Variants in GALNT13 observed in about 807,000 individuals in gnomAD.
GALNT13 encodes the protein polypeptide N-acetylgalactosaminyltransferase 13, also known as UDP-GalNAc:polypeptide N-acetylgalactosaminyltransferase 13.
Under a neutral mutation model 64.2 loss-of-function variants are expected in GALNT13, and 28 were observed. That is an observed-to-expected ratio of 0.44 (90% confidence interval 0.32 to 0.60). The LOEUF is 0.60. GALNT13 is among the 20% of genes least tolerant of loss of function. GALNT13 has a pLI of 0.05. For missense variants in GALNT13, 577 were observed against 669.8 expected, an observed-to-expected ratio of 0.86 and a Z score of 1.53; for synonymous variants, 214 against 224.6, an observed-to-expected ratio of 0.95 and a Z score of 0.42.
the GALNT13 span, among the ~76,000 whole-genome samples, chr2:153,367,560 A>T: frequency 6.6e-6 from 1 of 152,126 alleles, no homozygotes; most frequent in South Asian, 2.1e-4. Context: ...CAATAAAAAC[A>T]TGCAGGTGGC....
chr2:154,388,063 C>A (rs767994634), intron 9 of GALNT13, among the ~76,000 whole-genome samples: 4 of 152,110 alleles, frequency 2.6e-5, no homozygotes, highest in Non-Finnish European at 5.9e-5. Flanking sequence ...CCCATTTCTC[C>A]ACATCCTCTC....
intron 8 of GALNT13, among the ~76,000 whole-genome samples, chr2:154,278,209 A>G (rs1205551213): frequency 6.6e-6 from 1 of 152,208 alleles, no homozygotes; most frequent in Non-Finnish European, 1.5e-5. Context: ...TTCCTAAATT[A>G]AGATAAAAAT....
chr2:154,175,446 T>TA (rs1383348701), intron 4 of GALNT13, among the ~76,000 whole-genome samples: 1 of 152,152 alleles, frequency 6.6e-6, no homozygotes, highest in African/African-American at 2.4e-5. Flanking sequence ...TCCATACAGA[T>TA]ACTCAATATG....
the GALNT13 span, among the ~76,000 whole-genome samples, chr2:153,251,852 T>C: frequency 6.6e-6 from 1 of 151,994 alleles, no homozygotes; most frequent in African/African-American, 2.4e-5. Context: ...TGCCACATTT[T>C]CTTAATCCAG....
At chr2:153,953,845 C>T (rs1558872291) in intron 3 of GALNT13, among the ~76,000 whole-genome samples, 1 of 152,070 alleles carries the variant, frequency 6.6e-6, no homozygotes, top group Non-Finnish European at 1.5e-5. Flanking sequence ...CAATGCTGCT[C>T]TGAATTGGGG....
the GALNT13 span, among the ~76,000 whole-genome samples, chr2:153,638,787 T>C: frequency 6.6e-6 from 1 of 152,054 alleles, no homozygotes; most frequent in Non-Finnish European, 1.5e-5. Flanking sequence ...CTCCAGTTTC[T>C]CAGTGGAAGA....
chr2:154,003,722 A>T (rs1284470539), intron 3 of GALNT13, among the ~76,000 whole-genome samples: 3 of 152,100 alleles, frequency 2.0e-5, no homozygotes, highest in Non-Finnish European at 4.4e-5. Flanking sequence ...GAGGTTTCTC[A>T]TGAATGGTTT....
chr2:153,167,036 G>C, the GALNT13 span, among the ~76,000 whole-genome samples: 1 of 152,344 alleles, frequency 6.6e-6, no homozygotes, highest in Admixed American at 6.5e-5. Flanking sequence ...CAGATAAGCT[G>C]TGCCTAGGCT....
At chr2:154,165,985 A>C (rs2105682868) in intron 4 of GALNT13, among the ~76,000 whole-genome samples, 1 of 152,300 alleles carries the variant, frequency 6.6e-6, no homozygotes, top group South Asian at 2.1e-4. Flanking sequence ...CTGTGTAAGA[A>C]GTTTGGGTGT....
chr2:153,942,716 A>C (rs1184504724), intron 2 of GALNT13, among the ~76,000 whole-genome samples: 1 of 152,020 alleles, frequency 6.6e-6, no homozygotes, highest in African/African-American at 2.4e-5. Flanking sequence ...CACATTCTGA[A>C]TAAATGTAAA....
the GALNT13 span, among the ~76,000 whole-genome samples, chr2:153,817,774 C>T: frequency 0.074 from 11,225 of 152,120 alleles, 495 homozygotes; most frequent in African/African-American, 0.11. Context: ...CATAAATATT[C>T]GTAGTAGCAT....
chr2:153,968,646 G>C (rs1158187584), intron 3 of GALNT13, among the ~76,000 whole-genome samples: 1 of 152,154 alleles, frequency 6.6e-6, no homozygotes, highest in Non-Finnish European at 1.5e-5. Flanking sequence ...ATTTTGGTCA[G>C]TTCGTTCTAC....
chr2:154,079,487 A>G (rs1207140664), intron 3 of GALNT13, among the ~76,000 whole-genome samples: 1 of 151,658 alleles, frequency 6.6e-6, no homozygotes, highest in African/African-American at 2.4e-5. Flanking sequence ...TAACAGCTTT[A>G]TAACAGGAAA....
At chr2:153,769,432 AG>A in the GALNT13 span, among the ~76,000 whole-genome samples, 1 of 151,490 alleles carries the variant, frequency 6.6e-6, no homozygotes, top group Non-Finnish European at 1.5e-5. Context: ...TGGCTTACAG[AG>A]TTTCTGCTGA....
chr2:154,443,480 A>G (rs943832750), intron 12 of GALNT13, among the ~76,000 whole-genome samples: 2 of 152,086 alleles, frequency 1.3e-5, no homozygotes, highest in African/African-American at 4.8e-5. Flanking sequence ...TATTTTGTAT[A>G]TGATTATATG....
intron 3 of GALNT13, among the ~76,000 whole-genome samples, chr2:154,114,106 T>G (rs769739788): frequency 2.0e-5 from 3 of 152,180 alleles, no homozygotes; most frequent in Non-Finnish European, 2.9e-5. Context: ...CCTGCATCTT[T>G]TAAGTCCTTG....
chr2:153,529,380 A>G, the GALNT13 span, among the ~76,000 whole-genome samples: 2 of 151,662 alleles, frequency 1.3e-5, no homozygotes, highest in African/African-American at 4.8e-5. Flanking sequence ...TAAAAACCCA[A>G]ACAGGCCAGT....
intron 3 of GALNT13, among the ~76,000 whole-genome samples, chr2:154,048,515 G>GTAGCT (rs1221483084): frequency 6.6e-5 from 10 of 152,274 alleles, no homozygotes; most frequent in South Asian, 2.1e-4. Flanking sequence ...ATTTTGTAAG[G>GTAGCT]TAGCTTTTCT....
At chr2:153,940,979 C>G (rs1261015030) in intron 2 of GALNT13, among the ~76,000 whole-genome samples, 2 of 152,058 alleles carry the variant, frequency 1.3e-5, no homozygotes, top group African/African-American at 4.8e-5. Context: ...AAAGCAAAAA[C>G]AAAAGCTTTT....
Sources: gnomAD v4.1 joint callset for allele counts (sites outside exome capture counted in the v4.1 genomes callset) on GRCh38, gnomAD v4.1.1 for gene constraint, MANE v1.5 for transcripts, NCBI Gene and HGNC (gene_info 2026-07-23, HGNC 2026-07-21) for gene names.